The following KLF12 variants were observed in gnomAD, a reference collection of about 807,000 sequenced individuals.
KLF12 encodes Krueppel-like factor 12.
A neutral mutation model predicts 37.8 loss-of-function variants in KLF12; 9 were observed. That is an observed-to-expected ratio of 0.24 (90% CI 0.14 to 0.42). KLF12 has a LOEUF of 0.42. Ranked by LOEUF, KLF12 falls within the 10% of genes least tolerant of loss-of-function variation. The probability of loss-of-function intolerance (pLI) is 1.00; values close to 1 mark genes in which losing one functional copy is unlikely to be tolerated. For missense variants in KLF12, 411 were observed against 516.0 expected, an observed-to-expected ratio of 0.80 and a Z score of 1.97; for synonymous variants, 208 against 202.1, an observed-to-expected ratio of 1.03 and a Z score of -0.25.
the KLF12 span, among the ~76,000 whole-genome samples, chr13:74,198,128 C>T: frequency 6.6e-6 from 1 of 151,964 alleles, no homozygotes; most frequent in African/African-American, 2.4e-5. Context: ...GAATTTTGTC[C>T]ATAAACCTCA....
At chr13:74,300,328 C>T in the KLF12 span, among the ~76,000 whole-genome samples, 3 of 152,042 alleles carry the variant, frequency 2.0e-5, no homozygotes, top group African/African-American at 4.8e-5. Context: ...TGGCATATTT[C>T]TGTCTTTGGT....
the KLF12 span, among the ~76,000 whole-genome samples, chr13:74,223,403 G>A: frequency 6.6e-6 from 1 of 152,140 alleles, no homozygotes; most frequent in African/African-American, 2.4e-5. Context: ...TACAGTTTAT[G>A]TGTCCCAGCA....
the KLF12 span, among the ~76,000 whole-genome samples, chr13:74,172,169 A>ACACACT: frequency 6.6e-6 from 1 of 151,946 alleles, no homozygotes; most frequent in African/African-American, 2.4e-5. Flanking sequence ...ACACACACAC[A>ACACACT]CACTCTACTG....
intron 5 of KLF12, among the ~76,000 whole-genome samples, chr13:73,795,894 T>C (rs1881933138): frequency 6.6e-6 from 1 of 152,288 alleles, no homozygotes. Context: ...AAAGTTCATA[T>C]GGATAAGAAG....
At chr13:73,829,891 G>A (rs181125266) in intron 4 of KLF12, among the ~76,000 whole-genome samples, 2 of 152,178 alleles carry the variant, frequency 1.3e-5, no homozygotes, top group East Asian at 3.9e-4. Context: ...ACCATTCAGT[G>A]GCTTATTTAG....
the KLF12 span, among the ~76,000 whole-genome samples, chr13:74,304,632 G>A: frequency 6.6e-6 from 1 of 152,050 alleles, no homozygotes; most frequent in Non-Finnish European, 1.5e-5. Context: ...ACAAAGAAAG[G>A]ACGATAATTT....
chr13:74,210,545 A>G, the KLF12 span, among the ~76,000 whole-genome samples: 1 of 152,170 alleles, frequency 6.6e-6, no homozygotes, highest in South Asian at 2.1e-4. Flanking sequence ...AATCTGTGAG[A>G]CGATGTCATT....
At chr13:74,239,404 A>AT in the KLF12 span, among the ~76,000 whole-genome samples, 1 of 119,578 alleles carries the variant, frequency 8.4e-6, no homozygotes, top group African/African-American at 3.3e-5. Context: ...GTGCTGAAAA[A>AT]AATGTATATT....
At chr13:74,040,358 T>C (rs779208043) in intron 1 of KLF12, among the ~76,000 whole-genome samples, 1 of 152,216 alleles carries the variant, frequency 6.6e-6, no homozygotes, top group Non-Finnish European at 1.5e-5. Context: ...TGCTGGTCTA[T>C]GGAATACGGT....
At chr13:73,995,528 T>C (rs997442615) in intron 1 of KLF12, among the ~76,000 whole-genome samples, 6 of 152,342 alleles carry the variant, frequency 3.9e-5, no homozygotes, top group African/African-American at 1.4e-4. Context: ...AATGATTGTT[T>C]CTTTACAGTT....
intron 3 of KLF12, among the ~76,000 whole-genome samples, chr13:73,907,814 A>C (rs1267088319): frequency 6.6e-6 from 1 of 152,160 alleles, no homozygotes; most frequent in African/African-American, 2.4e-5. Context: ...GTGAAAGCCT[A>C]AGTCATTACA....
intron 3 of KLF12, among the ~76,000 whole-genome samples, chr13:73,887,096 TTCA>T (rs1002738798): frequency 2.3e-4 from 35 of 152,024 alleles, no homozygotes; most frequent in South Asian, 1.2e-3. Context: ...ACTCATATGG[TTCA>T]TCATCATCAG....
intron 2 of KLF12, among the ~76,000 whole-genome samples, chr13:73,966,861 C>T (rs946162196): frequency 6.6e-6 from 1 of 152,060 alleles, no homozygotes; most frequent in Admixed American, 6.6e-5. Flanking sequence ...ACTGACTTGT[C>T]CATGTTAAAG....
the KLF12 span, among the ~76,000 whole-genome samples, chr13:74,178,332 T>G: frequency 6.6e-6 from 1 of 151,376 alleles, no homozygotes; most frequent in African/African-American, 2.5e-5. Context: ...TTTTTGTTTG[T>G]TTGTTTGTTT....
chr13:73,992,218 C>T (rs1891987685), intron 2 of KLF12, among the ~76,000 whole-genome samples: 2 of 152,102 alleles, frequency 1.3e-5, no homozygotes, highest in South Asian at 4.1e-4. Flanking sequence ...GGAGCCAGGT[C>T]CACAACAAGC....
chr13:74,014,260 G>A (rs1240128421), intron 1 of KLF12, among the ~76,000 whole-genome samples: 1 of 152,130 alleles, frequency 6.6e-6, no homozygotes, highest in African/African-American at 2.4e-5. Flanking sequence ...AGTGGATAGA[G>A]GACACCCCAC....
At chr13:74,263,546 T>G in the KLF12 span, among the ~76,000 whole-genome samples, 1 of 152,218 alleles carries the variant, frequency 6.6e-6, no homozygotes, top group African/African-American at 2.4e-5. Context: ...TATAGCCTCC[T>G]CCACACTTCT....
At chr13:74,146,585 AAC>A in the KLF12 span, among the ~76,000 whole-genome samples, 1 of 152,228 alleles carries the variant, frequency 6.6e-6, no homozygotes, top group African/African-American at 2.4e-5. Flanking sequence ...TCTTTTAAAA[AAC>A]AGTCTTAATT....
At chr13:73,812,634 G>A (rs886095480) in intron 5 of KLF12, among the ~76,000 whole-genome samples, 1 of 151,710 alleles carries the variant, frequency 6.6e-6, no homozygotes, top group Non-Finnish European at 1.5e-5. Context: ...TTCAATAAAC[G>A]AGGGCTGAAA....
Sources: allele counts gnomAD v4.1 joint callset (sites outside exome capture counted in the v4.1 genomes callset), GRCh38; gene constraint gnomAD v4.1.1; transcripts MANE v1.5; gene names NCBI Gene and HGNC (gene_info 2026-07-23, HGNC 2026-07-21).